The following PABPC4L variants were observed in gnomAD, a reference collection of about 807,000 sequenced individuals.
PABPC4L encodes poly(A) binding protein cytoplasmic 4 like, also known as polyadenylate-binding protein 4-like.
For synonymous variants in PABPC4L, 169 were observed against 164.1 expected, an observed-to-expected ratio of 1.03 and a Z score of -0.23; for missense variants, 452 against 451.4, an observed-to-expected ratio of 1.00 and a Z score of -0.01.
the PABPC4L span, among the ~76,000 whole-genome samples, chr4:134,153,775 T>C: frequency 3.0e-4 from 45 of 150,590 alleles, no homozygotes; most frequent in African/African-American, 1.0e-3. Flanking sequence ...GCCTCCAGAG[T>C]AGCTGGGACT....
the PABPC4L span, among the ~76,000 whole-genome samples, chr4:134,117,067 A>G: frequency 2.0e-5 from 3 of 148,380 alleles, 1 homozygote; most frequent in South Asian, 6.5e-4. Context: ...TCTTTCTTCT[A>G]TATTCTTTTC....
the PABPC4L span, among the ~76,000 whole-genome samples, chr4:133,992,614 G>A: frequency 6.6e-6 from 1 of 152,078 alleles, no homozygotes; most frequent in South Asian, 2.1e-4. Context: ...CTGGGAAGGG[G>A]GTGTCCGCCC....
chr4:134,182,468 T>G, the PABPC4L span, among the ~76,000 whole-genome samples: 4 of 152,170 alleles, frequency 2.6e-5, no homozygotes, highest in South Asian at 6.2e-4. Flanking sequence ...GATTAAGGAC[T>G]TATATGTAAA....
chr4:134,064,071 G>A, the PABPC4L span, among the ~76,000 whole-genome samples: 3 of 151,998 alleles, frequency 2.0e-5, no homozygotes, highest in South Asian at 4.1e-4. Flanking sequence ...CATGCATAAA[G>A]AAAATAATGA....
the PABPC4L span, among the ~76,000 whole-genome samples, chr4:134,027,413 G>A: frequency 3.3e-5 from 5 of 152,062 alleles, no homozygotes; most frequent in African/African-American, 7.2e-5. Context: ...AAGAAGCCAC[G>A]TTGTTTTTAA....
At chr4:134,128,047 T>C in the PABPC4L span, among the ~76,000 whole-genome samples, 1 of 152,092 alleles carries the variant, frequency 6.6e-6, no homozygotes, top group African/African-American at 2.4e-5. Context: ...ATCAAACAAG[T>C]AGAAGAAAGA....
At chr4:133,959,419 G>A in the PABPC4L span, among the ~76,000 whole-genome samples, 1 of 152,284 alleles carries the variant, frequency 6.6e-6, no homozygotes, top group East Asian at 1.9e-4. Context: ...ATAAGAAGAA[G>A]CCAGAAATGT....
the PABPC4L span, among the ~76,000 whole-genome samples, chr4:134,169,928 GA>G: frequency 2.6e-5 from 4 of 151,964 alleles, no homozygotes; most frequent in Admixed American, 2.0e-4. Flanking sequence ...GTTACATAAG[GA>G]AATTGCATGT....
the PABPC4L span, among the ~76,000 whole-genome samples, chr4:134,085,469 AC>A: frequency 6.6e-6 from 1 of 152,108 alleles, no homozygotes; most frequent in Admixed American, 6.6e-5. Context: ...ACGCAAAGTC[AC>A]AAATCCTAAG....
chr4:134,094,421 T>C, the PABPC4L span, among the ~76,000 whole-genome samples: 2 of 152,040 alleles, frequency 1.3e-5, no homozygotes, highest in South Asian at 4.1e-4. Context: ...TAGCTGTAGT[T>C]ATATACTCTA....
downstream of PABPC4L, chr4:134,196,274 A>G (rs1729652891): frequency 6.6e-6 from 1 of 151,604 alleles, no homozygotes; most frequent in Non-Finnish European, 1.5e-5. Flanking sequence ...TCTTAAGATA[A>G]CTGGTCTTTG....
chr4:134,035,742 T>A, the PABPC4L span, among the ~76,000 whole-genome samples: 11 of 152,014 alleles, frequency 7.2e-5, 1 homozygote, highest in Middle Eastern at 6.3e-3. Flanking sequence ...GCTCAGCTCT[T>A]CATGTGAAGG....
chr4:134,007,579 C>T, the PABPC4L span, among the ~76,000 whole-genome samples: 6 of 151,480 alleles, frequency 4.0e-5, no homozygotes, highest in Non-Finnish European at 5.9e-5. Flanking sequence ...GTTAAATAGC[C>T]TTCTCAATAT....
At chr4:134,082,886 CAGAGCCT>C in the PABPC4L span, among the ~76,000 whole-genome samples, 1 of 152,060 alleles carries the variant, frequency 6.6e-6, no homozygotes, top group Non-Finnish European at 1.5e-5. Context: ...CGATATTTTC[CAGAGCCT>C]AGCTGGAAGC....
chr4:134,045,930 C>A, the PABPC4L span, among the ~76,000 whole-genome samples: 1 of 152,110 alleles, frequency 6.6e-6, no homozygotes, highest in African/African-American at 2.4e-5. Context: ...TACCCCATTA[C>A]CATTTTCATC....
chr4:134,101,868 T>A, the PABPC4L span, among the ~76,000 whole-genome samples: 1 of 151,508 alleles, frequency 6.6e-6, no homozygotes, highest in African/African-American at 2.4e-5. Flanking sequence ...TCAATTCCCA[T>A]CTGATTTTAA....
chr4:133,959,850 T>C, the PABPC4L span, among the ~76,000 whole-genome samples: 4 of 152,364 alleles, frequency 2.6e-5, no homozygotes, highest in East Asian at 1.9e-4. Context: ...TTTTATGGTA[T>C]GGAGACATAT....
At chr4:134,175,567 G>T in the PABPC4L span, among the ~76,000 whole-genome samples, 1 of 152,022 alleles carries the variant, frequency 6.6e-6, no homozygotes, top group African/African-American at 2.4e-5. Context: ...TCCTGCCTCA[G>T]CCTCCTGAGT....
chr4:133,961,031 C>A, the PABPC4L span, among the ~76,000 whole-genome samples: 3 of 152,132 alleles, frequency 2.0e-5, no homozygotes, highest in African/African-American at 7.2e-5. Flanking sequence ...GGGCCCCACC[C>A]ACCATTGGTT....
Sources: gnomAD v4.1 joint callset for allele counts (sites outside exome capture counted in the v4.1 genomes callset) on GRCh38, gnomAD v4.1.1 for gene constraint, MANE v1.5 for transcripts, NCBI Gene and HGNC (gene_info 2026-07-23, HGNC 2026-07-21) for gene names.